The following PDE11A variants were observed in gnomAD, a reference collection of about 807,000 sequenced individuals.
PDE11A encodes phosphodiesterase 11A.
PDE11A carries 100 observed loss-of-function variants against 100.5 expected under a neutral mutation model. The observed-to-expected ratio is 1.00, with a 90% CI of 0.85 to 1.18. The LOEUF (loss-of-function observed/expected upper bound fraction) is 1.18, where lower values mean the gene tolerates loss of function less well. Among genes scored for constraint, PDE11A ranks in the 50% most tolerant of loss-of-function variants. The pLI is 0.00. For synonymous variants in PDE11A, 381 were observed against 420.8 expected (o/e 0.91, Z 1.16); for missense variants, 1,141 against 1,152.6 (o/e 0.99, Z 0.15).
At chr2:178,039,224 TG>T (rs1433219722) in intron 1 of PDE11A, among the ~76,000 whole-genome samples, 3 of 152,230 alleles carry the variant, frequency 2.0e-5, no homozygotes, top group African/African-American at 7.2e-5. Flanking sequence ...CATGTCTTTT[TG>T]CTGGAACATG....
chr2:178,043,528 C>T (rs2086708646), intron 1 of PDE11A, among the ~76,000 whole-genome samples: 1 of 152,160 alleles, frequency 6.6e-6, no homozygotes, highest in East Asian at 1.9e-4. Context: ...CCAATTACTC[C>T]AGCACCACAT....
intron 2 of PDE11A, chr2:177,998,549 T>G: frequency 7.6e-7 from 1 of 1,321,480 alleles, no homozygotes; most frequent in South Asian, 1.2e-5. Context: ...TAGATACATC[T>G]TCATCTTCAC....
chr2:177,969,436 T>TA lies in PDE11A; in HGVS notation c.1071+44865dup, dbSNP rs563871244. Among the ~76,000 whole-genome samples the TA allele has an allele frequency of 7.9e-4, 120 of 151,230 alleles. 1 individual carries two copies. The highest frequency in any genetic ancestry group is 1.8e-3 in the Admixed American group (27 of 15,166). On this transcript the variant is annotated intron_variant, in intron 2 of 19. Coordinates refer to ENST00000286063, the MANE Select transcript of PDE11A (RefSeq NM_016953.4). ...AATCCCAGAACTTAAAGTAAAATAA[T>TA]AAAAAAAAACTCTCCAGTGTTTGCA...
intron 2 of PDE11A, among the ~76,000 whole-genome samples, chr2:177,925,828 G>A (rs2085117463): frequency 6.6e-6 from 1 of 152,158 alleles, no homozygotes; most frequent in African/African-American, 2.4e-5. Context: ...GTTCTTTTAG[G>A]TCAACATGGA....
At chr2:177,797,215 C>G (rs926810305) in intron 9 of PDE11A, 1 of 152,184 alleles carries the variant, frequency 6.6e-6, no homozygotes, top group Non-Finnish European at 1.5e-5. Flanking sequence ...GTGGTAAATG[C>G]TCTCCTGCAA....
chr2:177,662,983 A>T (rs2080505117), intron 19 of PDE11A, among the ~76,000 whole-genome samples: 1 of 152,186 alleles, frequency 6.6e-6, no homozygotes, highest in Non-Finnish European at 1.5e-5. Context: ...AGGGTGAGGA[A>T]CTAAAGAGCT....
At chr2:177,737,010 G>A (rs1037398423) in intron 10 of PDE11A, among the ~76,000 whole-genome samples, 1 of 151,726 alleles carries the variant, frequency 6.6e-6, no homozygotes, top group African/African-American at 2.4e-5. Context: ...GGAGGCCGAG[G>A]TGGGTGGATC....
intron 2 of PDE11A, among the ~76,000 whole-genome samples, chr2:178,089,429 G>A (rs567989217): frequency 2.0e-5 from 3 of 152,276 alleles, no homozygotes; most frequent in South Asian, 4.1e-4. Flanking sequence ...CTCAGTGGAC[G>A]GAAAAACACT....
chr2:177,937,079 C>T (rs1181637954), intron 2 of PDE11A, among the ~76,000 whole-genome samples: 1 of 152,092 alleles, frequency 6.6e-6, no homozygotes, highest in African/African-American at 2.4e-5. Flanking sequence ...CATCTCTTTA[C>T]ACATTTCAAC....
intron 2 of PDE11A, among the ~76,000 whole-genome samples, chr2:178,100,300 T>G (rs1279412145): frequency 6.6e-6 from 1 of 152,220 alleles, no homozygotes; most frequent in South Asian, 2.1e-4. Context: ...ATGAGTTTTG[T>G]AAAACTATAT....
intron 2 of PDE11A, among the ~76,000 whole-genome samples, chr2:177,915,748 C>T (rs1175346843): frequency 2.0e-5 from 3 of 152,192 alleles, no homozygotes; most frequent in Admixed American, 6.5e-5. Flanking sequence ...GTAAGCGTAT[C>T]GTTAGCTTTG....
At chr2:177,788,083 A>G (rs1193482626) in intron 9 of PDE11A, among the ~76,000 whole-genome samples, 2 of 151,990 alleles carry the variant, frequency 1.3e-5, no homozygotes, top group African/African-American at 2.4e-5. Context: ...AACAGAATAT[A>G]CATTCTTTTC....
chr2:177,864,046 G>T (rs1410436196), intron 5 of PDE11A, among the ~76,000 whole-genome samples: 3 of 152,100 alleles, frequency 2.0e-5, no homozygotes, highest in East Asian at 1.9e-4. Flanking sequence ...GTTGCCATTT[G>T]CCATGACATG....
At chr2:178,081,488 T>C (rs1363631262) in intron 2 of PDE11A, among the ~76,000 whole-genome samples, 4 of 152,214 alleles carry the variant, frequency 2.6e-5, no homozygotes, top group African/African-American at 9.7e-5. Flanking sequence ...TCATCAAATA[T>C]TCTTTTGAGC....
chr2:177,824,135 C>G lies in PDE11A; in HGVS notation c.1501-3840G>C, dbSNP rs894340508. On this transcript the variant is annotated intron_variant, in intron 6 of 19. Transcript: ENST00000286063. ...TTCTGGGAAAGTGGGAGTATGCACT[C>G]TCCCATCCCCATGGAGGATAACATT... Among the ~76,000 whole-genome samples the G allele has an allele frequency of 1.6e-4, 24 of 152,036 alleles. No homozygotes were observed. In the East Asian group the frequency reaches 1.9e-3, roughly 12 times the overall value.
At chr2:177,926,626 C>T (rs1213396393) in intron 2 of PDE11A, among the ~76,000 whole-genome samples, 1 of 152,192 alleles carries the variant, frequency 6.6e-6, no homozygotes, top group African/African-American at 2.4e-5. Flanking sequence ...GAAAGGATTG[C>T]TTCTCAGATA....
chr2:177,989,760 GA>G (rs996183581), intron 2 of PDE11A, among the ~76,000 whole-genome samples: 1 of 152,074 alleles, frequency 6.6e-6, no homozygotes, highest in Non-Finnish European at 1.5e-5. Context: ...CCTCATGCCA[GA>G]AAGAGTGGAT....
chr2:177,761,817 A>G (rs1327168537), intron 10 of PDE11A, among the ~76,000 whole-genome samples: 1 of 152,238 alleles, frequency 6.6e-6, no homozygotes, highest in African/African-American at 2.4e-5. Flanking sequence ...GGAGCATGGG[A>G]AACAGGCTGG....
At chr2:178,050,327 T>C (rs1158267591) in intron 1 of PDE11A, among the ~76,000 whole-genome samples, 1 of 152,046 alleles carries the variant, frequency 6.6e-6, no homozygotes, top group Non-Finnish European at 1.5e-5. Context: ...AGAAAGGACA[T>C]CCACACCAAA....
Sources: allele counts gnomAD v4.1 joint callset (sites outside exome capture counted in the v4.1 genomes callset), GRCh38; gene constraint gnomAD v4.1.1; transcripts MANE v1.5; gene names NCBI Gene and HGNC (gene_info 2026-07-23, HGNC 2026-07-21).